Variants in MAPK10 observed in about 807,000 individuals in gnomAD.
MAPK10 encodes the protein JNK3 alpha protein kinase.
Under a neutral mutation model 59.3 loss-of-function variants are expected in MAPK10, and 25 were observed. The ratio of observed to expected loss-of-function variants is 0.42; its 90% CI spans 0.31 to 0.59. The LOEUF (loss-of-function observed/expected upper bound fraction) is 0.59. Among genes scored for constraint, MAPK10 ranks in the 20% least tolerant of loss-of-function variants. The pLI is 0.15. For missense variants in MAPK10, 351 were observed against 568.9 expected, an observed-to-expected ratio of 0.62 and a Z score of 3.90; for synonymous variants, 190 against 200.5, an observed-to-expected ratio of 0.95 and a Z score of 0.44.
upstream of MAPK10, among the ~76,000 whole-genome samples, chr4:86,454,887 C>A (rs930347152): frequency 2.6e-5 from 4 of 152,058 alleles, no homozygotes; most frequent in African/African-American, 9.7e-5. Flanking sequence ...GGCAAAAATA[C>A]CAGGTAACCT....
chr4:86,241,902 G>T (rs1055223503), intron 2 of MAPK10, among the ~76,000 whole-genome samples: 1 of 152,136 alleles, frequency 6.6e-6, no homozygotes, highest in Non-Finnish European at 1.5e-5. Flanking sequence ...TTAGAGAAGA[G>T]GCACTCTGGT....
intron 2 of MAPK10, among the ~76,000 whole-genome samples, chr4:86,285,095 T>C (rs1039311280): frequency 1.3e-5 from 2 of 152,228 alleles, no homozygotes; most frequent in African/African-American, 4.8e-5. Context: ...TTCCTGTTTT[T>C]ATATTTAAGG....
Position 86,100,913 on chromosome 4 carries a change from A to G in MAPK10, c.730+139T>C, listed in dbSNP as rs1413218476. ...ATGAGTGTTTCTTACCAGTAGTATT[A>G]AAAAAAACCCTGAATATGCTATCTG... On this transcript the variant is annotated intron_variant, in intron 8 of 13. Coordinates refer to ENST00000641462, the MANE Select transcript of MAPK10 (RefSeq NM_138982.4). The G allele has an allele frequency of 4.6e-6, 3 of 657,408 alleles. No homozygotes were observed. The African/African-American group carries it at 5.4e-5, about 12-fold the overall frequency. 40.7% of individuals were successfully genotyped at this position (657,408 alleles called of 1,614,324 possible).
chr4:86,320,598 T>A (rs1016643064), intron 2 of MAPK10, among the ~76,000 whole-genome samples: 1 of 152,208 alleles, frequency 6.6e-6, no homozygotes, highest in African/African-American at 2.4e-5. Context: ...TTTCTCCCAT[T>A]TTGTAGGTTG....
At chr4:86,431,469 TTTATA>T (rs1748037782) in intron 1 of MAPK10, among the ~76,000 whole-genome samples, 1 of 152,218 alleles carries the variant, frequency 6.6e-6, no homozygotes, top group Admixed American at 6.5e-5. Context: ...TACAAAATAT[TTTATA>T]TTATATTCAT....
intron 3 of MAPK10, among the ~76,000 whole-genome samples, chr4:86,186,565 A>C (rs1045451055): frequency 6.6e-6 from 1 of 152,162 alleles, no homozygotes; most frequent in African/African-American, 2.4e-5. Context: ...ATTGCATTAA[A>C]ATAAAGCAAA....
rs756676363 is a variant in MAPK10, at chr4:86,507,655, T to TAC, written c.-263+86254_-263+86255insGT. 6.7e-3 allele frequency among the ~76,000 whole-genome samples: 474 copies of TAC among 71,252 alleles called. 40 individuals are homozygous for TAC. The highest frequency in any genetic ancestry group is 0.026 in the South Asian group (52 of 2,004). The allele number at this position is 71,252 out of a possible 152,430, so 46.7% of individuals were successfully genotyped here. ...ATATATATATATATATATATATATA[T>TAC]ATATATATATATATATAAAATCATG... On this transcript the variant is annotated intron_variant, in intron 1 of 4. Coordinates refer to the MAPK10 transcript ENST00000502302.
chr4:86,571,736 C>T (rs1263163451), intron 1 of MAPK10, among the ~76,000 whole-genome samples: 2 of 152,194 alleles, frequency 1.3e-5, no homozygotes, highest in African/African-American at 2.4e-5. Context: ...TTGGCTATCT[C>T]CTGACAACCT....
intron 1 of MAPK10, among the ~76,000 whole-genome samples, chr4:86,415,986 T>G (rs951935071): frequency 1.3e-5 from 2 of 152,192 alleles, no homozygotes; most frequent in African/African-American, 4.8e-5. Context: ...TCTGTTTCTC[T>G]TCTGTAAAAT....
At chr4:86,177,629 A>C (rs2149274157) in intron 3 of MAPK10, among the ~76,000 whole-genome samples, 1 of 152,182 alleles carries the variant, frequency 6.6e-6, no homozygotes, top group African/African-American at 2.4e-5. Context: ...TAGTAATCTC[A>C]ACATATCATT....
At chr4:86,359,393 A>G (rs964207935) in intron 1 of MAPK10, among the ~76,000 whole-genome samples, 1 of 150,644 alleles carries the variant, frequency 6.6e-6, no homozygotes, top group African/African-American at 2.4e-5. Context: ...TGGTCACAAT[A>G]AGAATGCTCC....
At chr4:86,314,188 G>A (rs572609863) in intron 2 of MAPK10, among the ~76,000 whole-genome samples, 1 of 152,142 alleles carries the variant, frequency 6.6e-6, no homozygotes, top group Non-Finnish European at 1.5e-5. Context: ...GGTATTGACT[G>A]CAAGGAGGCC....
intron 2 of MAPK10, chr4:86,327,590 T>C (rs572492932): frequency 6.6e-6 from 1 of 151,892 alleles, no homozygotes; most frequent in East Asian, 1.9e-4. Flanking sequence ...GGCAACATTA[T>C]TTCAATATCC....
At chr4:86,176,179 T>C (rs1330671834) in intron 3 of MAPK10, 1 of 152,176 alleles carries the variant, frequency 6.6e-6, no homozygotes, top group Non-Finnish European at 1.5e-5. Flanking sequence ...AAAAGTCTCC[T>C]ATCAGAAGGA....
intron 1 of MAPK10, among the ~76,000 whole-genome samples, chr4:86,367,025 G>T (rs1330732729): frequency 6.6e-6 from 1 of 152,162 alleles, no homozygotes; most frequent in Non-Finnish European, 1.5e-5. Context: ...TGAACCCTCA[G>T]ATGGAAGTTG....
intron 1 of MAPK10, among the ~76,000 whole-genome samples, chr4:86,372,587 A>AGAAAAGAAAC (rs1352089387): frequency 3.3e-5 from 5 of 151,160 alleles, no homozygotes; most frequent in Non-Finnish European, 5.9e-5. Context: ...AGAAAAGAAA[A>AGAAAAGAAAC]GAAAAGAAAA....
intron 2 of MAPK10, among the ~76,000 whole-genome samples, chr4:86,345,423 G>A (rs1473418012): frequency 6.6e-6 from 1 of 152,138 alleles, no homozygotes; most frequent in Non-Finnish European, 1.5e-5. Context: ...ATTCTTTGCT[G>A]TTGAAGAACT....
chr4:86,297,194 G>T (rs1308550653), intron 2 of MAPK10, among the ~76,000 whole-genome samples: 5 of 152,182 alleles, frequency 3.3e-5, no homozygotes, highest in Non-Finnish European at 5.9e-5. Flanking sequence ...ATTGAATGTT[G>T]TTAATTTGAA....
intron 2 of MAPK10, among the ~76,000 whole-genome samples, chr4:86,346,733 GAAAAAAAAAA>G (rs3030114): frequency 7.2e-6 from 1 of 138,670 alleles, no homozygotes; most frequent in African/African-American, 2.8e-5. Context: ...AGTTTGTTTG[GAAAAAAAAAA>G]AAAAAAAAAC....
Sources: allele counts gnomAD v4.1 joint callset (sites outside exome capture counted in the v4.1 genomes callset), GRCh38; gene constraint gnomAD v4.1.1; transcripts MANE v1.5; gene names NCBI Gene and HGNC (gene_info 2026-07-23, HGNC 2026-07-21).